Variants in TENM2 observed in about 807,000 individuals in gnomAD.
TENM2 encodes teneurin transmembrane protein 2.
A neutral mutation model predicts 245.2 loss-of-function variants in TENM2; 52 were observed. That is an observed-to-expected ratio of 0.21 (90% CI 0.17 to 0.27). The LOEUF is 0.27. Ranked by LOEUF, TENM2 falls within the 10% of genes least tolerant of loss-of-function variation. The pLI is 1.00. For missense variants in TENM2, 3,046 were observed against 3,666.8 expected, an observed-to-expected ratio of 0.83 and a Z score of 4.37; for synonymous variants, 1,363 against 1,438.9, an observed-to-expected ratio of 0.95 and a Z score of 1.19.
At chr5:167,419,112 A>T (rs1043361524) in intron 2 of TENM2, among the ~76,000 whole-genome samples, 1 of 121,668 alleles carries the variant, frequency 8.2e-6, no homozygotes, top group Non-Finnish European at 1.9e-5. Flanking sequence ...CACACACATG[A>T]AAACTTAGAT....
intron 1 of TENM2, among the ~76,000 whole-genome samples, chr5:167,297,710 G>A (rs939534694): frequency 5.1e-4 from 74 of 145,600 alleles, no homozygotes; most frequent in Admixed American, 1.6e-3. Flanking sequence ...GGGTGCAGGC[G>A]GGCTGAGTCT....
intron 9 of TENM2, among the ~76,000 whole-genome samples, chr5:168,115,523 G>A (rs1795020510): frequency 1.3e-5 from 2 of 152,146 alleles, no homozygotes; most frequent in African/African-American, 4.8e-5. Context: ...CCTTTTGGGA[G>A]GAAGGAGGAT....
At chr5:167,650,339 T>C (rs940223790) in intron 2 of TENM2, among the ~76,000 whole-genome samples, 14 of 152,238 alleles carry the variant, frequency 9.2e-5, no homozygotes, top group African/African-American at 3.4e-4. Flanking sequence ...TCGGTTCTTA[T>C]AACATGGCCT....
chr5:167,237,748 C>G, the TENM2 span, among the ~76,000 whole-genome samples: 1 of 152,094 alleles, frequency 6.6e-6, no homozygotes, highest in Non-Finnish European at 1.5e-5. Context: ...GGCCCGATGG[C>G]TCACGCCTAA....
At chr5:167,839,392 G>A (rs1329167008) in intron 2 of TENM2, among the ~76,000 whole-genome samples, 1 of 152,174 alleles carries the variant, frequency 6.6e-6, no homozygotes, top group Non-Finnish European at 1.5e-5. Context: ...TAAAAAGGGT[G>A]CAGAACAGTA....
At chr5:167,621,855 A>C (rs1778197663) in intron 2 of TENM2, among the ~76,000 whole-genome samples, 1 of 152,186 alleles carries the variant, frequency 6.6e-6, no homozygotes, top group Non-Finnish European at 1.5e-5. Flanking sequence ...TGAATTTGGA[A>C]TTTCTGAGAG....
the TENM2 span, among the ~76,000 whole-genome samples, chr5:167,238,988 T>G: frequency 1.3e-5 from 2 of 152,196 alleles, no homozygotes; most frequent in Non-Finnish European, 2.9e-5. Context: ...ATAGCAGTAT[T>G]TGCATACTTG....
At chr5:167,696,889 T>C (rs1343734397) in intron 2 of TENM2, among the ~76,000 whole-genome samples, 1 of 152,150 alleles carries the variant, frequency 6.6e-6, no homozygotes, top group Non-Finnish European at 1.5e-5. Context: ...AAAAAGTGAA[T>C]CAACCAGTTA....
At chr5:167,727,594 C>T (rs1760117486) in intron 2 of TENM2, among the ~76,000 whole-genome samples, 1 of 152,352 alleles carries the variant, frequency 6.6e-6, no homozygotes, top group South Asian at 2.1e-4. Flanking sequence ...CCTTGATCTA[C>T]TTTTCGACAT....
chr5:168,030,116 C>G (rs543772719), intron 5 of TENM2, among the ~76,000 whole-genome samples: 1 of 146,826 alleles, frequency 6.8e-6, no homozygotes, highest in African/African-American at 2.5e-5. Context: ...AAAGAATGTC[C>G]CTGTTTTACC....
At chr5:167,257,241 C>A in the TENM2 span, among the ~76,000 whole-genome samples, 1 of 151,844 alleles carries the variant, frequency 6.6e-6, no homozygotes, top group African/African-American at 2.4e-5. Flanking sequence ...TAAGATCATA[C>A]CCTATATAAT....
At chr5:167,648,747 G>C (rs1331337611) in intron 2 of TENM2, among the ~76,000 whole-genome samples, 1 of 152,208 alleles carries the variant, frequency 6.6e-6, no homozygotes, top group Non-Finnish European at 1.5e-5. Context: ...CTCCTCCTGG[G>C]ATATCTCACC....
At chr5:167,579,545 C>T (rs1000221773) in intron 2 of TENM2, among the ~76,000 whole-genome samples, 1 of 152,170 alleles carries the variant, frequency 6.6e-6, no homozygotes, top group African/African-American at 2.4e-5. Context: ...TCTGACGGTT[C>T]GACAGTCGTA....
intron 28 of TENM2, among the ~76,000 whole-genome samples, chr5:168,260,958 G>C (rs1768128445): frequency 6.6e-6 from 1 of 152,132 alleles, no homozygotes; most frequent in African/African-American, 2.4e-5. Flanking sequence ...CAATCAGATG[G>C]GAGGCGTTCA....
the TENM2 span, among the ~76,000 whole-genome samples, chr5:167,187,842 G>C: frequency 1.3e-5 from 2 of 152,048 alleles, no homozygotes; most frequent in Non-Finnish European, 2.9e-5. Context: ...AATTGCTGCT[G>C]TTCTGATTTT....
At chr5:167,779,986 C>A (rs1764079434) in intron 2 of TENM2, among the ~76,000 whole-genome samples, 1 of 152,170 alleles carries the variant, frequency 6.6e-6, no homozygotes, top group South Asian at 2.1e-4. Context: ...CCAGTTGCCT[C>A]ATGGCAAATC....
At chr5:167,013,571 G>A in the TENM2 span, among the ~76,000 whole-genome samples, 5 of 152,260 alleles carry the variant, frequency 3.3e-5, no homozygotes, top group African/African-American at 1.2e-4. Context: ...GCCAGGCATG[G>A]TGGTGCATGC....
chr5:168,060,078 G>A (rs999980380), intron 6 of TENM2, among the ~76,000 whole-genome samples: 1 of 152,046 alleles, frequency 6.6e-6, no homozygotes, highest in Non-Finnish European at 1.5e-5. Context: ...GTATCCATTA[G>A]AAAAGTTAGC....
At chr5:167,962,337 A>G (rs2151890560) in intron 4 of TENM2, among the ~76,000 whole-genome samples, 1 of 152,290 alleles carries the variant, frequency 6.6e-6, no homozygotes, top group South Asian at 2.1e-4. Flanking sequence ...TCTTTGATCC[A>G]TATGTTCAAG....
Sources: gnomAD v4.1 joint callset for allele counts (sites outside exome capture counted in the v4.1 genomes callset) on GRCh38, gnomAD v4.1.1 for gene constraint, MANE v1.5 for transcripts, NCBI Gene and HGNC (gene_info 2026-07-23, HGNC 2026-07-21) for gene names.